The following CNTNAP3B variants were observed in gnomAD, a reference collection of about 807,000 sequenced individuals.
The protein encoded by CNTNAP3B is contactin-associated protein-like 3B.
A neutral mutation model predicts 108.9 loss-of-function variants in CNTNAP3B; 25 were observed. That is an observed-to-expected ratio of 0.23 (90% CI 0.17 to 0.32). CNTNAP3B has a LOEUF of 0.32. CNTNAP3B is among the 10% of genes least tolerant of loss of function. CNTNAP3B has a pLI of 1.00. For missense variants in CNTNAP3B, 252 were observed against 1,210.4 expected (o/e 0.21, Z 11.75); for synonymous variants, 103 against 473.4 (o/e 0.22, Z 10.16).
At chr9:41,935,781 A>G (rs1824138882) in intron 14 of CNTNAP3B, among the ~76,000 whole-genome samples, 1 of 152,282 alleles carries the variant, frequency 6.6e-6, no homozygotes, top group Non-Finnish European at 1.5e-5. Flanking sequence ...TGAATGTAGG[A>G]GGGGAGTTAA....
chr9:41,942,762 G>T (rs1472492211), intron 13 of CNTNAP3B, among the ~76,000 whole-genome samples: 1 of 152,174 alleles, frequency 6.6e-6, no homozygotes, highest in Non-Finnish European at 1.5e-5. Context: ...CCCTATTTAA[G>T]ACAGAGTCTC....
At chr9:41,927,307 A>T (rs1823847834) in intron 15 of CNTNAP3B, among the ~76,000 whole-genome samples, 1 of 147,034 alleles carries the variant, frequency 6.8e-6, no homozygotes, top group African/African-American at 2.5e-5. Flanking sequence ...CAGACCTGCC[A>T]GACAGACCTG....
rs1353307951 is a variant in CNTNAP3B at position 42,111,063 on chromosome 9, G to T, written c.86-6324C>A. The stretch of plus-strand genomic sequence containing the variant: ...ATCTCACTCCATGGGGTCTGAAGGG[G>T]GCTCACCCTACCACCTGGGGCCAGC... On this transcript the variant is annotated intron_variant, in intron 1 of 23. Coordinates refer to ENST00000377561, the MANE Select transcript of CNTNAP3B (RefSeq NM_001201380.3). Among the ~76,000 whole-genome samples the T allele has an allele frequency of 1.4e-5, 2 of 138,144 alleles. 1 individual carries two copies. The highest frequency in any genetic ancestry group is 5.8e-5 in the African/African-American group (2 of 34,660). The allele number at this position is 138,144 out of a possible 152,430, so 90.6% of individuals were successfully genotyped here. A position where few individuals can be genotyped will look rare whatever the true frequency, so the allele number is the denominator to read the frequency against.
intron 3 of CNTNAP3B, among the ~76,000 whole-genome samples, chr9:42,043,039 A>G (rs1437538457): frequency 6.7e-6 from 1 of 149,620 alleles, no homozygotes; most frequent in Non-Finnish European, 1.5e-5. Context: ...CACTTCCCAC[A>G]TACTTCCTTA....
chr9:41,959,762 C>A (rs1450610371), intron 12 of CNTNAP3B, among the ~76,000 whole-genome samples: 6 of 152,310 alleles, frequency 3.9e-5, no homozygotes, highest in African/African-American at 7.2e-5. Context: ...CATGTAATTT[C>A]AGTTATTTGT....
chr9:42,128,135 TAGAG>T lies in CNTNAP3B; in HGVS notation c.85+871_85+874del, dbSNP rs1047583291. 2.0e-4 allele frequency among the ~76,000 whole-genome samples: 28 copies of T among 138,688 alleles called. 4 individuals carry two copies. The highest frequency in any genetic ancestry group is 3.9e-4 in the Non-Finnish European group (25 of 64,914). The allele number at this position is 138,688 out of a possible 152,430, so 91.0% of individuals were successfully genotyped here. A position where few individuals can be genotyped will look rare whatever the true frequency, so the allele number is the denominator to read the frequency against. On this transcript the variant is annotated intron_variant, in intron 1 of 23. Transcript: ENST00000377561. ...TCAAGAAAGAAAGACGACTCTCTGA[TAGAG>T]ATTTACTCCAAGCCGAAAAAAAAAT... is the stretch of plus-strand genomic sequence containing the variant.
intron 3 of CNTNAP3B, among the ~76,000 whole-genome samples, chr9:42,029,277 C>T (rs1826470530): frequency 8.4e-6 from 1 of 118,894 alleles, no homozygotes; most frequent in Non-Finnish European, 1.8e-5. Context: ...CAAAAAAGTT[C>T]CCATTTTTAA....
chr9:41,918,739 T>C (rs1285500460), intron 18 of CNTNAP3B, among the ~76,000 whole-genome samples: 2 of 145,614 alleles, frequency 1.4e-5, no homozygotes, highest in African/African-American at 2.6e-5. Context: ...GGATTGGGAA[T>C]GATTTAGAAA....
intron 9 of CNTNAP3B, chr9:41,979,995 G>A (rs1377267356): frequency 1.5e-5 from 1 of 65,976 alleles, no homozygotes; most frequent in Non-Finnish European, 2.4e-5. Context: ...GTTTAGAACT[G>A]AATGGGAATG....
At chr9:41,933,974 C>A (rs1430661452) in intron 14 of CNTNAP3B, among the ~76,000 whole-genome samples, 1 of 137,648 alleles carries the variant, frequency 7.3e-6, no homozygotes, top group Non-Finnish European at 1.6e-5. Flanking sequence ...CGATATATGG[C>A]TGCTATATCA....
intron 4 of CNTNAP3B, among the ~76,000 whole-genome samples, chr9:41,999,548 TACACAC>T (rs747836652): frequency 2.5e-5 from 3 of 118,926 alleles, no homozygotes; most frequent in South Asian, 2.7e-4. Context: ...CACACACACA[TACACAC>T]ACACACACAC....
intron 13 of CNTNAP3B, among the ~76,000 whole-genome samples, chr9:41,945,653 T>C (rs1433853183): frequency 6.6e-6 from 1 of 152,308 alleles, no homozygotes; most frequent in Non-Finnish European, 1.5e-5. Flanking sequence ...CATTAGGAGA[T>C]ATAGCTAATG....
intron 14 of CNTNAP3B, among the ~76,000 whole-genome samples, chr9:41,929,979 CTAAAA>C (rs1348790222): frequency 6.6e-6 from 1 of 152,172 alleles, no homozygotes; most frequent in Admixed American, 6.5e-5. Flanking sequence ...AACTTCCCTT[CTAAAA>C]TTGTCTTAGA....
At chr9:41,925,490 G>A (rs1227409291) in intron 15 of CNTNAP3B, among the ~76,000 whole-genome samples, 3 of 152,270 alleles carry the variant, frequency 2.0e-5, no homozygotes, top group East Asian at 3.8e-4. Flanking sequence ...CTAGTCGGGA[G>A]GCTGAGGCAG....
chr9:42,098,538 A>G (rs28680397), intron 2 of CNTNAP3B, among the ~76,000 whole-genome samples: 52,408 of 72,744 alleles, frequency 0.72, 22,434 homozygotes, highest in Non-Finnish European at 0.81. Context: ...AGCAGAGATC[A>G]TGCCACTGCA....
At chr9:41,997,495 A>G in intron 6 of CNTNAP3B, 73 bp downstream of exon 6, 1 of 1,465,910 alleles carries the variant, frequency 6.8e-7, no homozygotes, top group Admixed American at 2.0e-5. Flanking sequence ...GAATTACTAT[A>G]AAATGGCATT....
intron 14 of CNTNAP3B, among the ~76,000 whole-genome samples, chr9:41,935,416 C>A (rs1824127120): frequency 6.6e-6 from 1 of 152,276 alleles, no homozygotes; most frequent in Non-Finnish European, 1.5e-5. Context: ...AAACTTTCCA[C>A]CAGGAAAACT....
intron 14 of CNTNAP3B, among the ~76,000 whole-genome samples, chr9:41,935,300 GATGGTTT>G: frequency 6.6e-6 from 1 of 152,286 alleles, no homozygotes; most frequent in South Asian, 2.1e-4. Context: ...GAAAAATGGC[GATGGTTT>G]ATATTAACAA....
intron 14 of CNTNAP3B, among the ~76,000 whole-genome samples, chr9:41,935,930 A>T (rs1430282447): frequency 6.6e-6 from 1 of 152,290 alleles, no homozygotes; most frequent in African/African-American, 2.4e-5. Context: ...AGTTCCTCCC[A>T]TCCCCTCCTC....
Sources: gnomAD v4.1 joint callset for allele counts (sites outside exome capture counted in the v4.1 genomes callset) on GRCh38, gnomAD v4.1.1 for gene constraint, MANE v1.5 for transcripts, NCBI Gene and HGNC (gene_info 2026-07-23, HGNC 2026-07-21) for gene names.